The following KIF26B variants were observed in gnomAD, a reference collection of about 807,000 sequenced individuals.
KIF26B encodes the protein kinesin family member 26B.
Under a neutral mutation model 151.2 loss-of-function variants are expected in KIF26B, and 63 were observed. That is an observed-to-expected ratio of 0.42 (90% CI 0.34 to 0.51). KIF26B has a LOEUF of 0.51. KIF26B is among the 20% of genes least tolerant of loss of function. KIF26B has a pLI of 0.07. For synonymous variants in KIF26B, 1,357 were observed against 1,262.1 expected, an observed-to-expected ratio of 1.08 and a Z score of -1.59; for missense variants, 2,813 against 2,913.6, an observed-to-expected ratio of 0.97 and a Z score of 0.79.
intron 2 of KIF26B, among the ~76,000 whole-genome samples, chr1:245,322,697 T>C (rs1381001730): frequency 6.6e-6 from 1 of 152,188 alleles, no homozygotes; most frequent in Non-Finnish European, 1.5e-5. Context: ...TTGTTTATAA[T>C]TATTAAAGAT....
At chr1:245,305,863 G>A (rs967976528) in intron 2 of KIF26B, among the ~76,000 whole-genome samples, 3 of 139,220 alleles carry the variant, frequency 2.2e-5, no homozygotes, top group Admixed American at 7.9e-5. Context: ...GCTTGAACCC[G>A]GTAGGCAGAG....
At chr1:245,163,868 A>G (rs1383371876) in intron 2 of KIF26B, among the ~76,000 whole-genome samples, 1 of 152,108 alleles carries the variant, frequency 6.6e-6, no homozygotes, top group Non-Finnish European at 1.5e-5. Context: ...AAATTCTACT[A>G]TATTCACTGA....
intron 4 of KIF26B, among the ~76,000 whole-genome samples, 182 bp downstream of exon 4, chr1:245,419,927 C>T (rs1356502741): frequency 6.6e-6 from 1 of 152,192 alleles, no homozygotes; most frequent in Non-Finnish European, 1.5e-5. Flanking sequence ...GTGGTGGGGA[C>T]TGTCCTGTGT....
At chr1:245,555,916 C>T (rs11589945) in intron 5 of KIF26B, among the ~76,000 whole-genome samples, 200 of 152,018 alleles carry the variant, frequency 1.3e-3, no homozygotes, top group African/African-American at 4.5e-3. Context: ...AAGTGGCCTG[C>T]GTATTCAACA....
At chr1:245,271,932 T>G (rs535949693) in intron 2 of KIF26B, among the ~76,000 whole-genome samples, 4 of 152,346 alleles carry the variant, frequency 2.6e-5, no homozygotes, top group African/African-American at 9.6e-5. Context: ...GGATTGGCAT[T>G]AATTCTTTAA....
At chr1:245,568,505 G>A (rs565207335) in intron 5 of KIF26B, among the ~76,000 whole-genome samples, 2 of 152,308 alleles carry the variant, frequency 1.3e-5, no homozygotes, top group East Asian at 3.9e-4. Flanking sequence ...GTGAGACCTT[G>A]TCTCAAAAAG....
chr1:245,559,476 G>A (rs568052116), intron 5 of KIF26B, among the ~76,000 whole-genome samples: 10 of 152,128 alleles, frequency 6.6e-5, no homozygotes, highest in East Asian at 3.9e-4. Context: ...GCAGTGGTGC[G>A]ATCTCAGCTC....
chr1:245,479,100 G>A (rs1351630401), intron 4 of KIF26B, among the ~76,000 whole-genome samples: 1 of 151,690 alleles, frequency 6.6e-6, no homozygotes, highest in African/African-American at 2.4e-5. Flanking sequence ...AGGGCTGGAT[G>A]GATGAGTCTG....
intron 4 of KIF26B, among the ~76,000 whole-genome samples, chr1:245,454,564 C>T (rs935823999): frequency 6.6e-6 from 1 of 152,164 alleles, no homozygotes. Flanking sequence ...GCCAACAAAC[C>T]TTAGCCTTTT....
intron 1 of KIF26B, among the ~76,000 whole-genome samples, chr1:245,155,993 TC>T (rs748632736): frequency 4.0e-4 from 23 of 57,700 alleles, no homozygotes; most frequent in Admixed American, 1.0e-3. Flanking sequence ...AACCTATGGA[TC>T]CCCCCCGCCT....
At chr1:245,434,211 T>C (rs1354390514) in intron 4 of KIF26B, among the ~76,000 whole-genome samples, 1 of 152,214 alleles carries the variant, frequency 6.6e-6, no homozygotes, top group Non-Finnish European at 1.5e-5. Flanking sequence ...TTACTAGGGA[T>C]GGAAAAACTG....
At chr1:245,317,801 G>A (rs985219136) in intron 2 of KIF26B, among the ~76,000 whole-genome samples, 10 of 152,196 alleles carry the variant, frequency 6.6e-5, no homozygotes, top group Admixed American at 6.5e-4. Context: ...GCCTCAACTT[G>A]CCATGGATGG....
rs13375049 is a variant in KIF26B at position 245,295,387 on chromosome 1, G to A, written c.466-71447G>A. Among the ~76,000 whole-genome samples the A allele has an allele frequency of 2.1e-3, 315 of 152,304 alleles. 1 individual carries two copies. The highest frequency in any genetic ancestry group is 7.4e-3 in the African/African-American group (309 of 41,558). On this transcript the variant is annotated intron_variant, in intron 2 of 14. Coordinates refer to ENST00000407071, the MANE Select transcript of KIF26B (RefSeq NM_018012.4). ...ACAGACGCAGGCTTAGAAGAATAAG[G>A]TTGAACTGGGCAGTGGCAGATGGCT...
intron 5 of KIF26B, among the ~76,000 whole-genome samples, chr1:245,598,380 G>A (rs1475195773): frequency 6.6e-6 from 1 of 152,118 alleles, no homozygotes; most frequent in Non-Finnish European, 1.5e-5. Context: ...CCTTCCAGTG[G>A]TCACATTTGC....
At chr1:245,274,667 G>A (rs982117921) in intron 2 of KIF26B, among the ~76,000 whole-genome samples, 13 of 152,110 alleles carry the variant, frequency 8.5e-5, no homozygotes, top group African/African-American at 3.1e-4. Flanking sequence ...CTTTGCTATT[G>A]TGAACAGTGC....
At chr1:245,407,279 C>G (rs1674157758) in intron 3 of KIF26B, among the ~76,000 whole-genome samples, 3 of 152,162 alleles carry the variant, frequency 2.0e-5, no homozygotes, top group African/African-American at 7.2e-5. Flanking sequence ...TTTCTCCTCT[C>G]CTGGAACCTG....
chr1:245,172,240 C>T (rs779470993), intron 2 of KIF26B, among the ~76,000 whole-genome samples: 31 of 152,046 alleles, frequency 2.0e-4, no homozygotes, highest in East Asian at 3.9e-4. Context: ...ACAGAAGCCA[C>T]GTGGTAAGTG....
At chr1:245,342,166 TAC>T (rs1672346509) in intron 2 of KIF26B, among the ~76,000 whole-genome samples, 1 of 152,216 alleles carries the variant, frequency 6.6e-6, no homozygotes, top group Non-Finnish European at 1.5e-5. Flanking sequence ...TGATATTAAA[TAC>T]AGATTGTGCG....
At chr1:245,425,501 G>A (rs1020787874) in intron 4 of KIF26B, among the ~76,000 whole-genome samples, 8 of 152,126 alleles carry the variant, frequency 5.3e-5, no homozygotes, top group African/African-American at 1.9e-4. Context: ...CCACCTCCCA[G>A]GTTCAAGCGA....
Sources: allele counts gnomAD v4.1 joint callset (sites outside exome capture counted in the v4.1 genomes callset), GRCh38; gene constraint gnomAD v4.1.1; transcripts MANE v1.5; gene names NCBI Gene and HGNC (gene_info 2026-07-23, HGNC 2026-07-21).